LRRC7: variants seen among roughly 807,000 people sequenced by gnomAD.
The protein encoded by LRRC7 is leucine rich repeat containing 7.
Under a neutral mutation model 175.7 loss-of-function variants are expected in LRRC7, and 23 were observed. The ratio of observed to expected loss-of-function variants is 0.13; its 90% CI spans 0.09 to 0.19. The LOEUF (loss-of-function observed/expected upper bound fraction) is 0.19. Among genes scored for constraint, LRRC7 ranks in the 10% least tolerant of loss-of-function variants. The pLI, the probability that LRRC7 is intolerant of heterozygous loss-of-function variation, is 1.00. For synonymous variants in LRRC7, 685 were observed against 680.9 expected, an observed-to-expected ratio of 1.01 and a Z score of -0.09; for missense variants, 1,354 against 1,904.7, an observed-to-expected ratio of 0.71 and a Z score of 5.38.
chr1:69,873,599 A>G, intron 7 of LRRC7: 1 of 479,270 alleles, frequency 2.1e-6, no homozygotes. Flanking sequence ...GCACGAATAG[A>G]CTTTGTAGAG....
intron 7 of LRRC7, among the ~76,000 whole-genome samples, chr1:69,878,960 A>T: frequency 6.7e-6 from 1 of 149,352 alleles, no homozygotes; most frequent in East Asian, 1.9e-4. Flanking sequence ...TATATATTAT[A>T]ATCCATCCAT....
chr1:69,760,656 C>T (rs1030164738), intron 3 of LRRC7, among the ~76,000 whole-genome samples: 1 of 151,730 alleles, frequency 6.6e-6, no homozygotes, highest in African/African-American at 2.4e-5. Flanking sequence ...TTAAAATGAC[C>T]TCTATAAAAA....
intron 1 of LRRC7, among the ~76,000 whole-genome samples, chr1:69,592,176 A>G (rs1245045): frequency 0.15 from 22,997 of 151,972 alleles, 1,913 homozygotes; most frequent in Admixed American, 0.19. Flanking sequence ...CCTCCCTCAC[A>G]CACATATACA....
rs79540327 is a variant in LRRC7, at chr1:69,577,133, C to G, written c.2+8492C>G. Among the ~76,000 whole-genome samples the G allele has an allele frequency of 6.6e-3, 1,009 of 152,204 alleles. 6 individuals are homozygous for G. The highest frequency in any genetic ancestry group is 0.023 in the African/African-American group (953 of 41,530). Reference sequence around the variant, plus strand: ...CAATGTGGGACGTGAACACAGGGGACTGGATACAAAGATGATGTGCTTTTG... The same window carrying G: ...CAATGTGGGACGTGAACACAGGGGAGTGGATACAAAGATGATGTGCTTTTG... On this transcript the variant is annotated intron_variant, in intron 1 of 26. Coordinates refer to ENST00000651989, the MANE Select transcript of LRRC7 (RefSeq NM_001370785.2).
At chr1:69,894,358 A>G (rs1034514148) in intron 7 of LRRC7, among the ~76,000 whole-genome samples, 1 of 152,200 alleles carries the variant, frequency 6.6e-6, no homozygotes, top group Non-Finnish European at 1.5e-5. Flanking sequence ...GTTCTTAATT[A>G]CTATGCACAG....
At chr1:69,856,431 A>T (rs1256978214) in intron 7 of LRRC7, among the ~76,000 whole-genome samples, 2 of 152,180 alleles carry the variant, frequency 1.3e-5, no homozygotes, top group Non-Finnish European at 2.9e-5. Flanking sequence ...TAAAGGAGAT[A>T]CCACTACTGA....
intron 2 of LRRC7, among the ~76,000 whole-genome samples, chr1:69,738,948 A>T (rs1668416803): frequency 1.3e-5 from 2 of 152,102 alleles, no homozygotes; most frequent in African/African-American, 4.8e-5. Flanking sequence ...GAAACCCCTT[A>T]AAGAGGAAAA....
intron 2 of LRRC7, among the ~76,000 whole-genome samples, chr1:69,712,772 A>T (rs1664915483): frequency 6.6e-6 from 1 of 152,248 alleles, no homozygotes; most frequent in Admixed American, 6.5e-5. Flanking sequence ...TACTGTGTTT[A>T]AAAGTATGTG....
At position 70,027,881 on chromosome 1, in the gene LRRC7, A is replaced by C. The variant is rs556839480; in HGVS notation, c.1795-290A>C. ...ACTTGATTAAATTTTTCAAATTACC[A>C]ATCACTTAAGTGTTTTGACCTACTG... On this transcript the variant is annotated intron_variant, in intron 17 of 26. Transcript: ENST00000651989. Among the ~76,000 whole-genome samples, 10 of 152,284 alleles carry C rather than the reference A, an allele frequency of 6.6e-5. No individual in the cohort carries two copies. The East Asian group carries it at 1.7e-3, about 26-fold the overall frequency.
At chr1:69,978,022 C>A (rs1653004418) in intron 8 of LRRC7, among the ~76,000 whole-genome samples, 2 of 151,886 alleles carry the variant, frequency 1.3e-5, no homozygotes, top group Admixed American at 6.6e-5. Context: ...AAGCATAATG[C>A]ATAGGAAAAA....
At chr1:69,791,973 AT>A (rs973251688) in intron 3 of LRRC7, 69 bp from the exon 4 acceptor site, 33 of 1,029,360 alleles carry the variant, frequency 3.2e-5, no homozygotes, top group Non-Finnish European at 4.9e-5. Context: ...GGTGACTTTA[AT>A]TTTGTTACTG....
chr1:69,845,138 C>A (rs1260314464), intron 7 of LRRC7, among the ~76,000 whole-genome samples: 1 of 151,998 alleles, frequency 6.6e-6, no homozygotes, highest in African/African-American at 2.4e-5. Flanking sequence ...GTATTCCCAG[C>A]TACAAGGGAG....
intron 2 of LRRC7, 66 bp from the exon 3 acceptor site, chr1:69,760,125 A>G (rs1670874035): frequency 6.6e-7 from 1 of 1,521,188 alleles, no homozygotes; most frequent in East Asian, 2.3e-5. Context: ...TTTAAATATT[A>G]CAAGAATGCC....
At chr1:69,709,683 CTG>C (rs1158014812) in intron 2 of LRRC7, among the ~76,000 whole-genome samples, 1 of 152,126 alleles carries the variant, frequency 6.6e-6, no homozygotes, top group Non-Finnish European at 1.5e-5. Flanking sequence ...AAGAAATACT[CTG>C]TATGATAGAG....
At chr1:69,662,800 G>T (rs1367245554) in intron 1 of LRRC7, among the ~76,000 whole-genome samples, 1 of 152,184 alleles carries the variant, frequency 6.6e-6, no homozygotes, top group Non-Finnish European at 1.5e-5. Flanking sequence ...ACCTTGATAT[G>T]CATGCTTTCA....
At chr1:69,889,812 G>A (rs1465313940) in intron 7 of LRRC7, among the ~76,000 whole-genome samples, 1 of 151,658 alleles carries the variant, frequency 6.6e-6, no homozygotes, top group Non-Finnish European at 1.5e-5. Context: ...TCTAAAAGTA[G>A]AGTAAGGAGA....
intron 8 of LRRC7, among the ~76,000 whole-genome samples, chr1:69,942,964 T>G (rs906570362): frequency 6.6e-6 from 1 of 152,146 alleles, no homozygotes; most frequent in African/African-American, 2.4e-5. Flanking sequence ...CTTAAAGCAT[T>G]ATGAGTTTTT....
chr1:69,763,412 A>G (rs1212909993), intron 3 of LRRC7, among the ~76,000 whole-genome samples: 1 of 152,088 alleles, frequency 6.6e-6, no homozygotes, highest in East Asian at 1.9e-4. Context: ...AAATTCTTCA[A>G]CTAATTTGTC....
chr1:69,581,093 G>C (rs1167349900), intron 1 of LRRC7, among the ~76,000 whole-genome samples: 2 of 152,312 alleles, frequency 1.3e-5, no homozygotes, highest in Admixed American at 1.3e-4. Flanking sequence ...TTATGAGGCA[G>C]ACATGAGCCA....
Sources: gnomAD v4.1 joint callset for allele counts (sites outside exome capture counted in the v4.1 genomes callset) on GRCh38, gnomAD v4.1.1 for gene constraint, MANE v1.5 for transcripts, NCBI Gene and HGNC (gene_info 2026-07-23, HGNC 2026-07-21) for gene names.